Variants in LIN28B observed in about 807,000 individuals in gnomAD.
LIN28B encodes the protein protein lin-28 homolog B.
In LIN28B, 5 loss-of-function variants were observed where a neutral mutation model predicts 21.9. The ratio of observed to expected loss-of-function variants is 0.23; its 90% CI spans 0.12 to 0.48. The LOEUF is 0.48. Ranked by LOEUF, LIN28B falls within the 20% of genes least tolerant of loss-of-function variation. The pLI, the probability that LIN28B is intolerant of heterozygous loss-of-function variation, is 0.98. For synonymous variants in LIN28B, 109 were observed against 111.3 expected (o/e 0.98, Z 0.13); for missense variants, 245 against 310.5 (o/e 0.79, Z 1.58).
intron 3 of LIN28B, among the ~76,000 whole-genome samples, chr6:105,060,032 T>C (rs1380375354): frequency 1.3e-5 from 2 of 151,428 alleles, no homozygotes; most frequent in Non-Finnish European, 2.9e-5. Flanking sequence ...GCCTCCCGAG[T>C]AGCTGAGATT....
At chr6:105,047,399 C>G (rs182186603) in intron 3 of LIN28B, among the ~76,000 whole-genome samples, 2 of 152,276 alleles carry the variant, frequency 1.3e-5, no homozygotes, top group East Asian at 3.9e-4. Context: ...GTACCAGTAG[C>G]ATGCTGTTTT....
intron 2 of LIN28B, among the ~76,000 whole-genome samples, chr6:105,019,402 A>G (rs1056252292): frequency 6.6e-6 from 1 of 152,200 alleles, no homozygotes; most frequent in Non-Finnish European, 1.5e-5. Flanking sequence ...GTGTATGCAC[A>G]GGATCCAATA....
chr6:104,940,601 C>G (rs1331630896), intron 2 of LIN28B: 1 of 150,828 alleles, frequency 6.6e-6, no homozygotes, highest in African/African-American at 2.4e-5. Flanking sequence ...AATGACGCGG[C>G]CGGTAGCGGC....
chr6:104,938,641 GA>G (rs11309573), intron 2 of LIN28B, among the ~76,000 whole-genome samples: 137,384 of 143,948 alleles, frequency 0.95, 65,761 homozygotes, highest in Middle Eastern at 1. Flanking sequence ...CCTGTCTCAA[GA>G]AAAAAAAAAA....
chr6:105,068,741 T>A (rs1772269276), intron 3 of LIN28B, among the ~76,000 whole-genome samples: 1 of 152,208 alleles, frequency 6.6e-6, no homozygotes, highest in Admixed American at 6.5e-5. Flanking sequence ...ATACTATCTT[T>A]TATGGACTTC....
chr6:104,980,892 A>G (rs1770206654), intron 2 of LIN28B, among the ~76,000 whole-genome samples: 1 of 152,156 alleles, frequency 6.6e-6, no homozygotes, highest in African/African-American at 2.4e-5. Flanking sequence ...TTGCTACTAT[A>G]TATTAAAATA....
chr6:104,937,886 G>C (rs1343607442), intron 2 of LIN28B, among the ~76,000 whole-genome samples: 4 of 151,788 alleles, frequency 2.6e-5, no homozygotes, highest in Non-Finnish European at 5.9e-5. Flanking sequence ...GTAAGAGCCT[G>C]TTCTCTTTGG....
intron 3 of LIN28B, among the ~76,000 whole-genome samples, chr6:105,075,106 G>T (rs1252658226): frequency 6.6e-6 from 1 of 152,168 alleles, no homozygotes; most frequent in African/African-American, 2.4e-5. Context: ...TTTTTATGTT[G>T]GACTATGGGA....
chr6:105,052,488 T>TCCTG (rs1771927820), intron 3 of LIN28B, among the ~76,000 whole-genome samples: 1 of 152,112 alleles, frequency 6.6e-6, no homozygotes, highest in Admixed American at 6.6e-5. Flanking sequence ...AGGAACCCAT[T>TCCTG]CCTGTAATAA....
At chr6:104,972,521 A>T (rs1021929546) in intron 2 of LIN28B, among the ~76,000 whole-genome samples, 7 of 152,176 alleles carry the variant, frequency 4.6e-5, no homozygotes, top group African/African-American at 1.7e-4. Flanking sequence ...TTCAGGTTTT[A>T]AGCATCTTCA....
At chr6:105,052,877 C>T (rs117232287) in intron 3 of LIN28B, among the ~76,000 whole-genome samples, 2,583 of 151,900 alleles carry the variant, frequency 0.017, 36 homozygotes, top group Non-Finnish European at 0.026. Flanking sequence ...TTTTCTATTT[C>T]ATTGGTTTCT....
At chr6:104,948,953 G>C (rs1351456871) in intron 2 of LIN28B, among the ~76,000 whole-genome samples, 1 of 151,620 alleles carries the variant, frequency 6.6e-6, no homozygotes, top group African/African-American at 2.4e-5. Context: ...GAATTAAATA[G>C]CATTATTTAG....
chr6:104,937,044 T>C (rs1778016516), exon 2 of LIN28B: 2 of 152,116 alleles, frequency 1.3e-5, no homozygotes, highest in Admixed American at 6.6e-5. Context: ...GTTGAACTCC[T>C]GGGCTCAAGC....
At chr6:105,009,059 G>GT (rs1202362110) in intron 2 of LIN28B, among the ~76,000 whole-genome samples, 3 of 152,016 alleles carry the variant, frequency 2.0e-5, no homozygotes, top group South Asian at 2.1e-4. Flanking sequence ...CTCTTTTATG[G>GT]TTTTTTTGTG....
chr6:104,991,479 A>G (rs185218275), intron 2 of LIN28B, among the ~76,000 whole-genome samples: 13,770 of 149,920 alleles, frequency 0.092, 661 homozygotes, highest in Middle Eastern at 0.12. Context: ...GACGCTCCTC[A>G]CTTCCTAGAC....
At position 105,042,734 on chromosome 6, in the gene LIN28B, T is replaced by G. The variant is rs543182077; in HGVS notation, c.383+16252T>G. Among the ~76,000 whole-genome samples the G allele has an allele frequency of 1.5e-4, 23 of 152,320 alleles. No individual in the cohort carries two copies. The South Asian group carries it at 4.8e-3, about 32-fold the overall frequency. On this transcript the variant is annotated intron_variant, in intron 3 of 3. Coordinates refer to ENST00000345080, the MANE Select transcript of LIN28B (RefSeq NM_001004317.4). ...AAACTGGTTTATGTTAAAAATTATC[T>G]TCAGATGTCAGTGGGAGCCAGGTTT...
intron 2 of LIN28B, among the ~76,000 whole-genome samples, chr6:104,941,872 G>C (rs1019887180): frequency 6.6e-6 from 1 of 152,172 alleles, no homozygotes; most frequent in Non-Finnish European, 1.5e-5. Flanking sequence ...AAAATTGCAC[G>C]TTGGTAAATA....
At chr6:104,976,632 G>A (rs958925345) in intron 2 of LIN28B, among the ~76,000 whole-genome samples, 2 of 152,186 alleles carry the variant, frequency 1.3e-5, no homozygotes, top group Admixed American at 6.5e-5. Flanking sequence ...TAGTTGCAGG[G>A]AAGGCTTTTA....
chr6:104,957,712 G>T (rs1778310994), intron 1 of LIN28B, among the ~76,000 whole-genome samples: 1 of 151,966 alleles, frequency 6.6e-6, no homozygotes, highest in South Asian at 2.1e-4. Flanking sequence ...TTTCCTCCTC[G>T]TGCCCGCCGG....
Sources: gnomAD v4.1 joint callset for allele counts (sites outside exome capture counted in the v4.1 genomes callset) on GRCh38, gnomAD v4.1.1 for gene constraint, MANE v1.5 for transcripts, NCBI Gene and HGNC (gene_info 2026-07-23, HGNC 2026-07-21) for gene names.